The following MYH9 variants were observed in gnomAD, a reference collection of about 807,000 sequenced individuals.
The protein encoded by MYH9 is myosin-9.
A neutral mutation model predicts 241.9 loss-of-function variants in MYH9; 29 were observed. The ratio of observed to expected loss-of-function variants is 0.12; its 90% CI spans 0.09 to 0.16. The LOEUF is 0.16. Among genes scored for constraint, MYH9 ranks in the 10% least tolerant of loss-of-function variants. MYH9 has a pLI of 1.00. For synonymous variants in MYH9, 1,047 were observed against 1,062.6 expected (o/e 0.99, Z 0.29); for missense variants, 1,803 against 2,595.5 (o/e 0.69, Z 6.63).
chr22:36,347,820 C>A (rs5756161), intron 2 of MYH9, among the ~76,000 whole-genome samples: 717 of 28,406 alleles, frequency 0.025, 83 homozygotes, highest in Non-Finnish European at 0.034. Flanking sequence ...AAAAAAAAAA[C>A]AATAGTAAGA....
At chr22:36,315,747 CA>C (rs11296505) in intron 12 of MYH9, among the ~76,000 whole-genome samples, 127,553 of 150,342 alleles carry the variant, frequency 0.85, 57,031 homozygotes, top group East Asian at 1. Flanking sequence ...GACCCTGCCT[CA>C]AAAAAAAAAT....
At chr22:36,384,012 T>C (rs1427736514) in intron 1 of MYH9, among the ~76,000 whole-genome samples, 2 of 149,510 alleles carry the variant, frequency 1.3e-5, no homozygotes, top group Admixed American at 1.3e-4. Flanking sequence ...GGCTCACGCC[T>C]GTAATCCTAG....
Position 36,285,533 on chromosome 22 carries a change from A to G in MYH9, c.5274+125T>C. On this transcript the variant is annotated intron_variant, in intron 37 of 40. Coordinates refer to ENST00000216181, the MANE Select transcript of MYH9 (RefSeq NM_002473.6). The surrounding 1 kb of genome is among the most constrained non-coding windows in gnomAD (Gnocchi z 7.0). ...ACCTTTCAGGTCCAGGTGCCTGGAC[A>G]TTTTCCCCTAAGCGCCTGGGGAGCA... is the stretch of plus-strand genomic sequence containing the variant. 2 of 1,488,962 alleles carry G rather than the reference A, an allele frequency of 1.3e-6. No homozygotes were observed. The highest frequency in any genetic ancestry group is 2.3e-5 in the South Asian group (2 of 85,568). 92.2% of individuals were successfully genotyped at this position (1,488,962 alleles called of 1,614,324 possible).
chr22:36,312,306 G>T, intron 13 of MYH9, 84 bp from the exon 14 acceptor site: 1 of 1,353,518 alleles, frequency 7.4e-7, no homozygotes, highest in Non-Finnish European at 1.0e-6. Context: ...CCGGACATCA[G>T]AATCCCCTGA....
intron 21 of MYH9, 135 bp downstream of exon 21, chr22:36,301,399 A>T: frequency 1.7e-6 from 2 of 1,203,942 alleles, no homozygotes; most frequent in South Asian, 2.6e-5. Flanking sequence ...GTCACTGTTT[A>T]CAGTAATAGG....
intron 1 of MYH9, among the ~76,000 whole-genome samples, chr22:36,383,784 C>A (rs2018295717): frequency 6.6e-6 from 1 of 151,418 alleles, no homozygotes. Flanking sequence ...ATAGTGAAAC[C>A]CTGTCTCTAC....
chr22:36,294,393 T>C, intron 27 of MYH9, 95 bp from the exon 28 acceptor site: 1 of 1,372,528 alleles, frequency 7.3e-7, no homozygotes. Flanking sequence ...ACATCGCTGC[T>C]TCTGCAGCCC....
Position 36,285,131 on chromosome 22 carries a change from T to C in MYH9, c.5473A>G (p.Asn1825Asp), listed in dbSNP as rs1294169279. 1 of 1,613,984 alleles carries C rather than the reference T, an allele frequency of 6.2e-7. No homozygotes were observed. Among genetic ancestry groups the C allele is most frequent in the East Asian group, 2.2e-5 (1 of 44,886 alleles). ...KIAQLEEQLD[N>D]ETKERQAACK... ...GCCAGGGGCACGTACTTGGTCTCGT[T>C]GTCCAGCTGCTCCTCCAGCTGTGCA... The change falls in exon 38 of 41, where the codon AAC becomes GAC. Residue 1825 changes from asparagine (N) to aspartate (D), a missense_variant. Physicochemically the swap from Asn to Asp is conservative, Grantham distance 23. Coordinates refer to ENST00000216181, the MANE Select transcript of MYH9 (RefSeq NM_002473.6). This position sits in a 1 kb window ranked among gnomAD's most constrained non-coding sequence, Gnocchi z 7.0.
Position 36,341,395 on chromosome 22 carries a change from G to A in MYH9, c.465C>T (p.Asp155=). Reference sequence around the variant, plus strand: ...CTTGCATCATACTCCTGTAGGCGGTGTCTGTGATGGCATAGATGTGAGGGG... The same window carrying A: ...CTTGCATCATACTCCTGTAGGCGGTATCTGTGATGGCATAGATGTGAGGGG... ...EMPPHIYAIT[D]TAYRSMMQDR... The change falls in exon 3 of 41, where the codon GAC becomes GAT. Residue 155 remains aspartate, a synonymous_variant. Coordinates refer to ENST00000216181, the MANE Select transcript of MYH9 (RefSeq NM_002473.6). The A allele has an allele frequency of 6.2e-7, 1 of 1,614,108 alleles. No individual in the cohort carries two copies. The highest frequency in any genetic ancestry group is 8.5e-7 in the Non-Finnish European group (1 of 1,179,966).
chr22:36,354,954 A>ACACACACAC (rs1556643786), intron 1 of MYH9, among the ~76,000 whole-genome samples: 1 of 38,258 alleles, frequency 2.6e-5, no homozygotes, highest in Non-Finnish European at 6.5e-5. Context: ...AACAAAAAAC[A>ACACACACAC]AAACACACAC....
intron 18 of MYH9, among the ~76,000 whole-genome samples, chr22:36,304,616 C>T (rs2016939979): frequency 6.6e-6 from 1 of 152,184 alleles, no homozygotes; most frequent in Non-Finnish European, 1.5e-5. Flanking sequence ...TCCAGCACTG[C>T]GCTAGGGCTG....
chr22:36,295,996 G>A lies in MYH9; in HGVS notation c.3273-279C>T, dbSNP rs185341359. On this transcript the variant is annotated intron_variant, in intron 25 of 40. Transcript: ENST00000216181. The surrounding 1 kb of genome is among the most constrained non-coding windows in gnomAD (Gnocchi z 4.1). ...TTAAAAGTCAAATGATGTGTTAAATGGGAAGAAAAGGAAATAAAACGCTAC... is the reference window on the plus strand; with the variant it reads ...TTAAAAGTCAAATGATGTGTTAAATAGGAAGAAAAGGAAATAAAACGCTAC... 2.2e-4 allele frequency among the ~76,000 whole-genome samples: 33 copies of A among 152,322 alleles called. No individual in the cohort carries two copies. The highest frequency in any genetic ancestry group is 4.1e-4 in the South Asian group (2 of 4,830).
chr22:36,319,671 A>G (rs1290471605), intron 9 of MYH9, 36 bp from the exon 10 acceptor site: 1 of 1,600,578 alleles, frequency 6.2e-7, no homozygotes, highest in African/African-American at 1.3e-5. Flanking sequence ...AGAAGCAGAC[A>G]TGGGTCATGG....
At position 36,295,824 on chromosome 22, in the gene MYH9, G is replaced by A; in HGVS notation, c.3273-107C>T. The A allele has an allele frequency of 9.6e-7, 1 of 1,039,938 alleles. No homozygotes were observed. Among genetic ancestry groups the A allele is most frequent in the East Asian group, 2.6e-5 (1 of 38,748 alleles). The allele number at this position is 1,039,938 out of a possible 1,614,324, so 64.4% of individuals were successfully genotyped here. Reference sequence around the variant, plus strand: ...TGCAGCAGCCAAAGCTGCCTCCTGTGGTCACAATCATGGCACTTAGGATGG... The same window carrying A: ...TGCAGCAGCCAAAGCTGCCTCCTGTAGTCACAATCATGGCACTTAGGATGG... On this transcript the variant is annotated intron_variant, in intron 25 of 40. Coordinates refer to ENST00000216181, the MANE Select transcript of MYH9 (RefSeq NM_002473.6). This position sits in a 1 kb window ranked among gnomAD's most constrained non-coding sequence, Gnocchi z 4.1.
At chr22:36,384,773 T>C (rs1463671753) in intron 1 of MYH9, among the ~76,000 whole-genome samples, 2 of 151,398 alleles carry the variant, frequency 1.3e-5, no homozygotes, top group African/African-American at 2.4e-5. Flanking sequence ...TGAGGCTATG[T>C]GACTTGCCTA....
intron 2 of MYH9, among the ~76,000 whole-genome samples, chr22:36,348,147 A>G (rs1438811449): frequency 1.2e-4 from 18 of 148,958 alleles, no homozygotes; most frequent in Non-Finnish European, 3.0e-5. Flanking sequence ...AAAAATTTTT[A>G]AAGATATTTA....
intron 15 of MYH9, among the ~76,000 whole-genome samples, chr22:36,308,212 T>C (rs1345564527): frequency 1.3e-5 from 2 of 152,294 alleles, no homozygotes; most frequent in East Asian, 3.9e-4. Context: ...AGACGCTGTC[T>C]TTAGGCATGA....
Position 36,288,895 on chromosome 22 carries a change from C to T in MYH9, c.4602G>A (p.Val1534=), listed in dbSNP as rs1249213869. The part of the protein sequence containing the change: ...EKSKRALEQQ[V]EEMKTQLEEL... ...CTTCCAGCTGCGTCTTCATCTCCTC[C>T]ACCTGCTGCTCTAGGGCCCGCTTGG... Residue 1534 remains valine (V), a synonymous_variant, in exon 33 of 41, where the codon GTG becomes GTA. Transcript: ENST00000216181. The surrounding 1 kb of genome is among the most constrained non-coding windows in gnomAD (Gnocchi z 4.8). 6 of 1,614,132 alleles carry T rather than the reference C, an allele frequency of 3.7e-6. No individual in the cohort carries two copies. Among genetic ancestry groups the T allele is most frequent in the Non-Finnish European group, 4.2e-6 (5 of 1,180,026 alleles).
At position 36,288,271 on chromosome 22, in the gene MYH9, T is replaced by C. The variant is rs765615821; in HGVS notation, c.4913A>G (p.Lys1638Arg). Residue 1638 changes from lysine (K) to arginine (R), a missense_variant, in exon 34 of 41, where the codon AAA becomes AGA. Coordinates refer to ENST00000216181, the MANE Select transcript of MYH9 (RefSeq NM_002473.6). The surrounding 1 kb of genome is among the most constrained non-coding windows in gnomAD (Gnocchi z 4.8). ...CCTTACCTGCAGCTTCCGCAGCTGT[T>C]TGATGGCTTCGTCCCGGTTCTTGTT... The part of the protein sequence containing the change: ...SANKNRDEAI[K>R]QLRKLQAQMK... 14 of 1,614,124 alleles carry C rather than the reference T, an allele frequency of 8.7e-6. No homozygotes were observed. The highest frequency in any genetic ancestry group is 2.7e-5 in the African/African-American group (2 of 75,064).
Sources: gnomAD v4.1 joint callset for allele counts (sites outside exome capture counted in the v4.1 genomes callset) on GRCh38, gnomAD v4.1.1 for gene constraint, Gnocchi (gnomAD v3.1) non-coding constraint, MANE v1.5 for transcripts, NCBI Gene and HGNC (gene_info 2026-07-23, HGNC 2026-07-21) for gene names.